The following ROR2 variants were observed in gnomAD, a reference collection of about 807,000 sequenced individuals.
ROR2 encodes ROR family WNT receptor 2, also known as tyrosine-protein kinase transmembrane receptor ROR2.
A neutral mutation model predicts 74.9 loss-of-function variants in ROR2; 33 were observed. The ratio of observed to expected loss-of-function variants is 0.44; its 90% CI spans 0.33 to 0.59. ROR2 has a LOEUF of 0.59. Among genes scored for constraint, ROR2 ranks in the 20% least tolerant of loss-of-function variants. ROR2 has a pLI of 0.02. For missense variants in ROR2, 1,216 were observed against 1,313.8 expected (o/e 0.93, Z 1.15); for synonymous variants, 586 against 558.7 (o/e 1.05, Z -0.69).
At position 91,792,330 on chromosome 9, in the gene ROR2, C is replaced by T. The variant is rs186445495; in HGVS notation, c.98-16512G>A. ...ATTTTTTTTTTTTTTTTTTTTGAGA[C>T]GGAGTCTCGCTCTGTCGCCCAGGTT... On this transcript the variant is annotated intron_variant, in intron 1 of 8. Coordinates refer to ENST00000375708, the MANE Select transcript of ROR2 (RefSeq NM_004560.4). Among the ~76,000 whole-genome samples, 23 of 133,360 alleles carry T rather than the reference C, an allele frequency of 1.7e-4. No homozygotes were observed. In the East Asian group the frequency reaches 2.0e-3, roughly 11 times the overall value. The allele number at this position is 133,360 out of a possible 152,430, so 87.5% of individuals were successfully genotyped here.
chr9:91,792,359 G>C (rs374139687), intron 1 of ROR2, among the ~76,000 whole-genome samples: 5 of 129,580 alleles, frequency 3.9e-5, no homozygotes, highest in African/African-American at 1.0e-4. Context: ...CCAGGTTGGA[G>C]TGCAGTAGTG....
chr9:91,777,251 T>C (rs374806271), intron 1 of ROR2, among the ~76,000 whole-genome samples: 3 of 152,122 alleles, frequency 2.0e-5, no homozygotes, highest in African/African-American at 7.2e-5. Flanking sequence ...TGTGAACTAG[T>C]AGAATGGGTA....
At chr9:91,883,540 A>C (rs886659904) in intron 1 of ROR2, among the ~76,000 whole-genome samples, 1 of 152,224 alleles carries the variant, frequency 6.6e-6, no homozygotes, top group African/African-American at 2.4e-5. Context: ...CATTCACACT[A>C]ATCATATTTC....
intron 7 of ROR2, 24 bp from the exon 8 acceptor site, chr9:91,726,767 A>AT: frequency 2.5e-6 from 4 of 1,612,040 alleles, no homozygotes; most frequent in Middle Eastern, 3.3e-4. Flanking sequence ...GGCTTTCGTG[A>AT]TTTTTCAGAA....
rs1433924791 is a variant in ROR2, at chr9:91,733,550, C to G, written c.623-114G>C. ...GACTGCCCACTCAGCCCCCTGATGC[C>G]CCGCCCCGCCCCAGACTCCCCAACC... On this transcript the variant is annotated intron_variant, in intron 5 of 8. Transcript: ENST00000375708. This position sits in a 1 kb window ranked among gnomAD's most constrained non-coding sequence, Gnocchi z 5.7. 18 of 1,168,632 alleles carry G rather than the reference C, an allele frequency of 1.5e-5. No individual in the cohort carries two copies. Among genetic ancestry groups the G allele is most frequent in the Non-Finnish European group, 2.2e-5 (18 of 832,060 alleles). The allele number at this position is 1,168,632 out of a possible 1,614,324, so 72.4% of individuals were successfully genotyped here.
intron 1 of ROR2, among the ~76,000 whole-genome samples, chr9:91,820,873 G>A (rs1032575997): frequency 4.6e-5 from 7 of 152,118 alleles, no homozygotes; most frequent in Non-Finnish European, 8.8e-5. Flanking sequence ...AGGCCAAGGC[G>A]GGTGGATCAC....
intron 1 of ROR2, among the ~76,000 whole-genome samples, chr9:91,939,958 A>G (rs565139670): frequency 1.3e-5 from 2 of 152,174 alleles, no homozygotes; most frequent in South Asian, 4.2e-4. Flanking sequence ...TCCGGGCCCC[A>G]CCCCACATTC....
chr9:91,802,134 C>T (rs899191488), intron 1 of ROR2, among the ~76,000 whole-genome samples: 3 of 135,832 alleles, frequency 2.2e-5, no homozygotes, highest in African/African-American at 2.8e-5. Context: ...AGTGCAGTGG[C>T]GTGATCTCCA....
intron 1 of ROR2, among the ~76,000 whole-genome samples, chr9:91,827,693 G>A (rs1025783091): frequency 2.0e-5 from 3 of 152,136 alleles, no homozygotes; most frequent in Admixed American, 6.5e-5. Flanking sequence ...TGTACAGATC[G>A]GTCCAATGTA....
intron 1 of ROR2, among the ~76,000 whole-genome samples, chr9:91,798,293 A>T (rs1587728747): frequency 8.8e-6 from 1 of 114,274 alleles, no homozygotes; most frequent in African/African-American, 3.7e-5. Context: ...TGGGTGGGGA[A>T]TGACACCCTG....
intron 6 of ROR2, among the ~76,000 whole-genome samples, chr9:91,732,816 C>T (rs1837291824): frequency 6.6e-6 from 1 of 152,214 alleles, no homozygotes; most frequent in African/African-American, 2.4e-5. Context: ...AGATCACTCC[C>T]ATTTCAGAGA....
At chr9:91,826,338 TTCA>T (rs2119168182) in intron 1 of ROR2, among the ~76,000 whole-genome samples, 1 of 152,328 alleles carries the variant, frequency 6.6e-6, no homozygotes, top group African/African-American at 2.4e-5. Context: ...CCTTTCTTAT[TTCA>T]TCGTGTTTTT....
intron 1 of ROR2, among the ~76,000 whole-genome samples, chr9:91,822,050 C>T (rs973478245): frequency 6.6e-6 from 1 of 152,140 alleles, no homozygotes; most frequent in Non-Finnish European, 1.5e-5. Flanking sequence ...AAAAAAGGCG[C>T]TTCAAAACAA....
intron 1 of ROR2, among the ~76,000 whole-genome samples, chr9:91,786,653 C>G (rs1587717990): frequency 6.6e-6 from 1 of 152,142 alleles, no homozygotes; most frequent in Non-Finnish European, 1.5e-5. Context: ...AGTACTGGCC[C>G]CATAACAGAG....
chr9:91,787,238 T>G (rs1457555330), intron 1 of ROR2, among the ~76,000 whole-genome samples: 3 of 152,158 alleles, frequency 2.0e-5, no homozygotes. Flanking sequence ...AGGCTGGGTG[T>G]GGTGGCTCAC....
chr9:91,908,712 CAT>C (rs532042992), intron 1 of ROR2, among the ~76,000 whole-genome samples: 263 of 152,222 alleles, frequency 1.7e-3, no homozygotes, highest in Non-Finnish European at 3.2e-3. Flanking sequence ...AAATTAATAA[CAT>C]ATTTAAAAGA....
chr9:91,877,623 A>G (rs1029282469), intron 1 of ROR2, among the ~76,000 whole-genome samples: 9 of 152,242 alleles, frequency 5.9e-5, no homozygotes, highest in African/African-American at 1.7e-4. Flanking sequence ...CTAAGAGTCA[A>G]TTCTCACTCA....
chr9:91,794,412 A>G (rs1827103443), intron 1 of ROR2, among the ~76,000 whole-genome samples: 2 of 152,232 alleles, frequency 1.3e-5, no homozygotes, highest in South Asian at 4.1e-4. Flanking sequence ...CAGTAAGTAA[A>G]GCAAGGTGAG....
chr9:91,723,021 C>A lies in ROR2; in HGVS notation c.*641G>T. ...TGGAGTATAATTAAAACCATTTCACCAAATACAAAGCTGTCAGTTTCTTTG... is the reference window on the plus strand; with the variant it reads ...TGGAGTATAATTAAAACCATTTCACAAAATACAAAGCTGTCAGTTTCTTTG... On this transcript the variant is annotated 3_prime_UTR_variant, in exon 9 of 9. Coordinates refer to ENST00000375708, the MANE Select transcript of ROR2 (RefSeq NM_004560.4). The A allele has an allele frequency of 6.0e-6, 1 of 168,014 alleles. No individual in the cohort carries two copies. Among genetic ancestry groups the A allele is most frequent in the Non-Finnish European group, 1.3e-5 (1 of 77,278 alleles). The allele number at this position is 168,014 out of a possible 1,614,324, so 10.4% of individuals were successfully genotyped here. A position where few individuals can be genotyped will look rare whatever the true frequency, so the allele number is the denominator to read the frequency against.
Sources: allele counts gnomAD v4.1 joint callset (sites outside exome capture counted in the v4.1 genomes callset), GRCh38; gene constraint gnomAD v4.1.1; non-coding constraint Gnocchi (gnomAD v3.1); transcripts MANE v1.5; gene names NCBI Gene and HGNC (gene_info 2026-07-23, HGNC 2026-07-21).